The following HDAC5 variants were observed in gnomAD, a reference collection of about 807,000 sequenced individuals.
HDAC5 encodes antigen NY-CO-9.
In HDAC5, 25 loss-of-function variants were observed where a neutral mutation model predicts 133.3. The ratio of observed to expected loss-of-function variants is 0.19; its 90% CI spans 0.14 to 0.26. The LOEUF is 0.26. Among genes scored for constraint, HDAC5 ranks in the 10% least tolerant of loss-of-function variants. HDAC5 has a pLI of 1.00. For synonymous variants in HDAC5, 589 were observed against 610.8 expected (o/e 0.96, Z 0.53); for missense variants, 1,041 against 1,460.5 (o/e 0.71, Z 4.68).
intron 3 of HDAC5, among the ~76,000 whole-genome samples, chr17:44,100,700 G>A (rs2051546663): frequency 6.6e-6 from 1 of 151,516 alleles, no homozygotes; most frequent in Admixed American, 6.6e-5. Context: ...GCAGTGAGCT[G>A]AGATCGCGCC....
In HDAC5 at chr17:44,091,261, T is replaced by A; in HGVS notation, c.1387+9A>T. ...GCCCCCTCCCTTGCACAGCTACCTG[T>A]CCACTCACCAGCAATGAGGGTGCTC... is the stretch of plus-strand genomic sequence containing the variant. On this transcript the variant is annotated intron_variant, in intron 11 of 26. Transcript: ENST00000682912. The A allele has an allele frequency of 6.2e-7, 1 of 1,604,942 alleles. No homozygotes were observed. The highest frequency in any genetic ancestry group is 1.1e-5 in the South Asian group (1 of 90,092).
chr17:44,091,927 GC>G, intron 9 of HDAC5, 96 bp from the exon 10 acceptor site: 1 of 1,395,334 alleles, frequency 7.2e-7, no homozygotes, highest in Non-Finnish European at 9.7e-7. Context: ...TCTGAATGGT[GC>G]CCAGTTCCCT....
chr17:44,080,601 CTCTGCCTGGAGGGGCAGT>C, intron 21 of HDAC5, 103 bp from the exon 22 acceptor site: 1 of 1,473,258 alleles, frequency 6.8e-7, no homozygotes, highest in South Asian at 1.2e-5. Flanking sequence ...CTGACCTCTG[CTCTGCCTGGAGGGGCAGT>C]CAGATCAGTG....
chr17:44,094,616 G>C (rs999951643), intron 3 of HDAC5, among the ~76,000 whole-genome samples: 1 of 152,120 alleles, frequency 6.6e-6, no homozygotes, highest in Non-Finnish European at 1.5e-5. Context: ...CAGCCTGGGC[G>C]ACAGAGCGAG....
intron 3 of HDAC5, among the ~76,000 whole-genome samples, chr17:44,107,158 C>T (rs1165013275): frequency 2.6e-5 from 4 of 151,706 alleles, no homozygotes; most frequent in East Asian, 3.9e-4. Context: ...GGCTATGCTG[C>T]GCAGGCTGGT....
chr17:44,121,121 AAG>A (rs1567696884), intron 1 of HDAC5, among the ~76,000 whole-genome samples: 4 of 149,824 alleles, frequency 2.7e-5, no homozygotes, highest in Admixed American at 6.6e-5. Context: ...AAAAAAAAAA[AAG>A]AGAGGGGGGT....
chr17:44,087,577 C>T lies in HDAC5; in HGVS notation c.1719G>A (p.Arg573=), dbSNP rs1322780224. 8 of 1,614,026 alleles carry T rather than the reference C, an allele frequency of 5.0e-6. No individual in the cohort carries two copies. The African/African-American group carries it at 1.1e-4, about 22-fold the overall frequency. The part of the protein sequence containing the change: ...LLGEGALTMP[R]EGSTESESTQ... ...TGCTCTCACTCTCTGTGGAGCCCTC[C>T]CGGGGCATGGTCAGGGCTCCCTCCC... The change falls in exon 13 of 27, where the codon CGG becomes CGA. Residue 573 remains arginine, a synonymous_variant. Coordinates refer to ENST00000682912, the MANE Select transcript of HDAC5 (RefSeq NM_005474.5).
chr17:44,100,708 G>A (rs921396311), intron 3 of HDAC5, among the ~76,000 whole-genome samples: 3 of 151,340 alleles, frequency 2.0e-5, no homozygotes, highest in African/African-American at 4.9e-5. Context: ...CTGAGATCGC[G>A]CCATTGCACT....
In HDAC5 at chr17:44,092,179, G is replaced by A. The variant is rs1297867110; in HGVS notation, c.1025C>T (p.Pro342Leu). The A allele has an allele frequency of 6.2e-6, 10 of 1,613,702 alleles. No individual in the cohort carries two copies. The highest frequency in any genetic ancestry group is 8.5e-6 in the Non-Finnish European group (10 of 1,179,728). ...NGFTGSVPNIPTEMLPQHRAL... is the reference protein window; with the variant it reads ...NGFTGSVPNILTEMLPQHRAL... ...CCCCAGCCAGGCCTGTACCTCAGTG[G>A]GGATGTTGGGGACTGAGCCAGTAAA... Residue 342 changes from proline (P) to leucine (L), a missense_variant, in exon 9 of 27, where the codon CCC becomes CTC. Physicochemically the swap from Pro to Leu is moderately conservative, Grantham distance 98 (BLOSUM62 -3). Around this residue, in one of 9 missense-constraint regions of HDAC5, gnomAD observed 433 missense variants for 531.6 expected, o/e 0.81. Transcript: ENST00000682912.
chr17:44,080,432 T>A lies in HDAC5; in HGVS notation c.2794A>T (p.Ile932Phe), dbSNP rs751222972. ...VAWTGGVDPP[I>F]GDVEYLTAFR... ...GCTGTAAGGTACTCCACGTCTCCAA[T>A]GGGGGGGTCCACACCTCCTGTCCAT... is the stretch of plus-strand genomic sequence containing the variant. Residue 932 changes from isoleucine (I) to phenylalanine (F), a missense_variant, in exon 22 of 27, where the codon ATT becomes TTT. Around this residue, in one of 9 missense-constraint regions of HDAC5, gnomAD observed 174 missense variants for 352.7 expected, o/e 0.49. Coordinates refer to ENST00000682912, the MANE Select transcript of HDAC5 (RefSeq NM_005474.5). 1.1e-5 allele frequency: 18 copies of A among 1,613,846 alleles called. No individual in the cohort carries two copies. In the East Asian group the frequency reaches 4.0e-4, roughly 36 times the overall value.
rs1363986679 is a variant in HDAC5, at chr17:44,117,875, T to C, written c.-189-171A>G. The stretch of plus-strand genomic sequence containing the variant: ...CTGGATAGACCCTGGTTTCTTATCT[T>C]ACTAACTGATGAGGCTCCCAGAGCC... On this transcript the variant is annotated intron_variant, in intron 1 of 26. Transcript: ENST00000682912. The surrounding 1 kb of genome is among the most constrained non-coding windows in gnomAD (Gnocchi z 4.2). 6.6e-6 allele frequency among the ~76,000 whole-genome samples: 1 copy of C among 152,136 alleles called. No homozygotes were observed. Among genetic ancestry groups the C allele is most frequent in the Non-Finnish European group, 1.5e-5 (1 of 68,002 alleles).
In HDAC5 at chr17:44,082,593, C is replaced by T. The variant is rs768540618; in HGVS notation, c.2599G>A (p.Val867Met). The change falls in exon 20 of 27, where the codon GTG (valine) becomes ATG (methionine). Residue 867 changes from valine (V) to methionine (M), a missense_variant. Around this residue, in one of 9 missense-constraint regions of HDAC5, gnomAD observed 174 missense variants for 352.7 expected, o/e 0.49. Coordinates refer to ENST00000682912, the MANE Select transcript of HDAC5 (RefSeq NM_005474.5). ...ACCAGCTCACTGCCTACCCAGTCCA[C>T]GATGAGGACCTTGCCCACGTTCAAC... Reference protein sequence around the residue: ...QKLNVGKVLIVDWDIHHGNGT... With the variant: ...QKLNVGKVLIMDWDIHHGNGT... 1.9e-6 allele frequency: 3 copies of T among 1,613,544 alleles called. No homozygotes were observed. The highest frequency in any genetic ancestry group is 2.2e-5 in the South Asian group (2 of 91,068).
At position 44,117,321 on chromosome 17, in the gene HDAC5, C is replaced by G. The variant is rs1598042446; in HGVS notation, c.22+173G>C. ...GGACCAGACCGGACCATCGATCCCT[C>G]GATTCCCAGGTCTACCTCATGGGCC... is the stretch of plus-strand genomic sequence containing the variant. On this transcript the variant is annotated intron_variant, in intron 2 of 26. Coordinates refer to ENST00000682912, the MANE Select transcript of HDAC5 (RefSeq NM_005474.5). The surrounding 1 kb of genome is among the most constrained non-coding windows in gnomAD (Gnocchi z 4.2). Among the ~76,000 whole-genome samples the G allele has an allele frequency of 6.6e-6, 1 of 152,206 alleles. No individual in the cohort carries two copies. Among genetic ancestry groups the G allele is most frequent in the Non-Finnish European group, 1.5e-5 (1 of 68,040 alleles).
chr17:44,090,846 C>T lies in HDAC5; in HGVS notation c.1387+424G>A, dbSNP rs193108123. On this transcript the variant is annotated intron_variant, in intron 11 of 26. Transcript: ENST00000682912. ...CTGGGACTACAGGTGCCCACCACCA[C>T]GCCCGGCTAATTTTTTGTATTTTTA... Among the ~76,000 whole-genome samples the T allele has an allele frequency of 9.7e-3, 1,474 of 152,174 alleles. 11 individuals are homozygous for T. Among genetic ancestry groups the T allele is most frequent in the Non-Finnish European group, 0.017 (1,146 of 68,004 alleles).
intron 2 of HDAC5, 110 bp from the exon 3 acceptor site, chr17:44,110,910 C>A: frequency 1.1e-6 from 1 of 900,858 alleles, no homozygotes; most frequent in Middle Eastern, 3.0e-4. Context: ...AGGCGGGGAG[C>A]AGACCGAAGG....
Position 44,088,401 on chromosome 17 carries a change from G to A in HDAC5, c.1585C>T (p.Leu529=), listed in dbSNP as rs1361788214. Residue 529 remains leucine (L), a synonymous_variant, in exon 12 of 27, where the codon CTA becomes TTA. Coordinates refer to ENST00000682912, the MANE Select transcript of HDAC5 (RefSeq NM_005474.5). ...QFLEKQKQQQ[L]QLGKILTKTG... is the part of the protein sequence containing the mutation. Reference sequence around the variant, plus strand: ...TCCAGGCTCACCTTGCCCAGCTGTAGCTGCTGCTGCTTCTGCTTCTCCAGG... The same window carrying A: ...TCCAGGCTCACCTTGCCCAGCTGTAACTGCTGCTGCTTCTGCTTCTCCAGG... The A allele has an allele frequency of 6.4e-7, 1 of 1,554,020 alleles. No homozygotes were observed. Among genetic ancestry groups the A allele is most frequent in the Admixed American group, 1.9e-5 (1 of 51,376 alleles).
chr17:44,082,762 C>T lies in HDAC5; in HGVS notation c.2519+3G>A, dbSNP rs2050457127. ...GCGAGGGCAGAGAATCTAGGGCACT[C>T]ACATGGCTGTGGATTCCTCGGCGTG... On this transcript the variant is annotated splice_donor_region_variant and intron_variant, in intron 19 of 26. Coordinates refer to ENST00000682912, the MANE Select transcript of HDAC5 (RefSeq NM_005474.5). 3.2e-6 allele frequency: 5 copies of T among 1,583,900 alleles called. No individual in the cohort carries two copies. The East Asian group carries it at 9.1e-5, about 29-fold the overall frequency.
At chr17:44,089,336 C>A (rs535272333) in intron 11 of HDAC5, among the ~76,000 whole-genome samples, 30 of 152,060 alleles carry the variant, frequency 2.0e-4, no homozygotes, top group South Asian at 4.1e-4. Context: ...CAGCTGGGTG[C>A]GGTGGCTCAC....
At position 44,093,578 on chromosome 17, in the gene HDAC5, G is replaced by A. The variant is rs374089076; in HGVS notation, c.351C>T (p.Leu117=). 3.7e-6 allele frequency: 6 copies of A among 1,607,144 alleles called. No individual in the cohort carries two copies. Among genetic ancestry groups the A allele is most frequent in the Non-Finnish European group, 5.1e-6 (6 of 1,176,396 alleles). ...RQHEVQLQKH[L]KQQQEMLAAK... ...CCCCCGCACCCCCCTCGCTCACCTT[G>A]AGGTGCTTCTGCAGCTGGACCTCAT... Residue 117 remains leucine, a synonymous_variant, in exon 4 of 27, where the codon CTC becomes CTT. Coordinates refer to ENST00000682912, the MANE Select transcript of HDAC5 (RefSeq NM_005474.5).
Sources: gnomAD v4.1 joint callset for allele counts (sites outside exome capture counted in the v4.1 genomes callset) on GRCh38, gnomAD v4.1.1 for gene constraint, gnomAD v4.1.1 regional missense constraint, Gnocchi (gnomAD v3.1) non-coding constraint, MANE v1.5 for transcripts, NCBI Gene and HGNC (gene_info 2026-07-23, HGNC 2026-07-21) for gene names.